The following CNTN5 variants were observed in gnomAD, a reference collection of about 807,000 sequenced individuals.
CNTN5 encodes contactin 5.
CNTN5 carries 77 observed loss-of-function variants against 129.1 expected under a neutral mutation model. That is an observed-to-expected ratio of 0.60 (90% CI 0.50 to 0.72). The LOEUF is 0.72. Ranked by LOEUF, CNTN5 falls within the 30% of genes least tolerant of loss-of-function variation. CNTN5 has a pLI of 0.00. For missense variants in CNTN5, 1,478 were observed against 1,328.8 expected (o/e 1.11, Z -1.75); for synonymous variants, 509 against 465.6 (o/e 1.09, Z -1.20).
chr11:100,295,760 C>G (rs1037148464), intron 18 of CNTN5, among the ~76,000 whole-genome samples: 1 of 150,948 alleles, frequency 6.6e-6, no homozygotes, highest in African/African-American at 2.4e-5. Context: ...AACTTATGAT[C>G]ATAGGAATGA....
intron 3 of CNTN5, among the ~76,000 whole-genome samples, chr11:99,789,078 C>A (rs943961251): frequency 1.9e-4 from 28 of 150,216 alleles, no homozygotes; most frequent in African/African-American, 5.1e-4. Context: ...AAGAAACAAA[C>A]AAAAAAAAAT....
intron 13 of CNTN5, among the ~76,000 whole-genome samples, chr11:100,104,001 A>G (rs1339951475): frequency 6.6e-6 from 1 of 152,176 alleles, no homozygotes; most frequent in Non-Finnish European, 1.5e-5. Context: ...TTTTTTGTCA[A>G]GTAGAATGGA....
At position 99,432,429 on chromosome 11, in the gene CNTN5, C is replaced by CCTTTTCTTTCCTTTTCTTTTCTTTT. The variant is rs1312872433; in HGVS notation, c.-71+106980_-71+107004dup. 2.4e-5 allele frequency among the ~76,000 whole-genome samples: 3 copies of CCTTTTCTTTCCTTTTCTTTTCTTTT among 125,444 alleles called. No individual in the cohort carries two copies. In the East Asian group the frequency reaches 8.1e-4, roughly 34 times the overall value. The allele number at this position is 125,444 out of a possible 152,430, so 82.3% of individuals were successfully genotyped here. ...GGGCTCTGTTTCTTTCTTTTCTTTTCCTTTTCTTTCCTTTTCTTTTCTTTT... is the reference window on the plus strand; with the variant it reads ...GGGCTCTGTTTCTTTCTTTTCTTTTCCTTTTCTTTCCTTTTCTTTTCTTTTCTTTTCTTTCCTTTTCTTTTCTTTT... On this transcript the variant is annotated intron_variant, in intron 2 of 24. Coordinates refer to ENST00000524871, the MANE Select transcript of CNTN5 (RefSeq NM_014361.4).
chr11:99,035,866 C>T (rs565277892), intron 1 of CNTN5, among the ~76,000 whole-genome samples: 54 of 151,364 alleles, frequency 3.6e-4, no homozygotes, highest in Non-Finnish European at 6.8e-4. Flanking sequence ...TTCCTAGTCT[C>T]GATGGTCTTT....
chr11:99,268,820 A>G (rs1037592290), intron 1 of CNTN5, among the ~76,000 whole-genome samples: 1 of 151,966 alleles, frequency 6.6e-6, no homozygotes, highest in Non-Finnish European at 1.5e-5. Context: ...CTTTTAAAGG[A>G]TGTGTTTAGA....
chr11:99,091,249 G>T (rs1357490495), intron 1 of CNTN5, among the ~76,000 whole-genome samples: 3 of 152,246 alleles, frequency 2.0e-5, no homozygotes, highest in Middle Eastern at 3.4e-3. Flanking sequence ...TCTAGGATTA[G>T]CAATTACATT....
intron 1 of CNTN5, among the ~76,000 whole-genome samples, chr11:99,248,027 G>T (rs1277252369): frequency 3.9e-5 from 6 of 152,266 alleles, no homozygotes; most frequent in African/African-American, 1.4e-4. Flanking sequence ...GATCCCTGAG[G>T]AATCGCCACA....
chr11:99,552,209 TTTTGTG>T (rs1948510699), intron 2 of CNTN5, among the ~76,000 whole-genome samples: 1 of 150,886 alleles, frequency 6.6e-6, no homozygotes, highest in South Asian at 2.1e-4. Context: ...CCTGGTCAGT[TTTTGTG>T]TTTTTTTTTT....
At position 99,845,149 on chromosome 11, in the gene CNTN5, G is replaced by A. The variant is rs780791907; in HGVS notation, c.464G>A (p.Gly155Asp). 2.9e-5 allele frequency: 47 copies of A among 1,613,606 alleles called. 1 individual carries two copies. The South Asian group carries it at 4.2e-4, about 14-fold the overall frequency. ...GATTATCGCTACAGTTTGATAGATG[G>A]CACCTTCATTATAAGCAATCCAAGT... The part of the protein sequence containing the change: ...ESDYRYSLID[G>D]TFIISNPSEA... The change falls in exon 6 of 25, where the codon GGC (glycine) becomes GAC (aspartate). Residue 155 changes from glycine to aspartate, a missense_variant. Gly to Asp is a moderately conservative substitution (Grantham distance 94, BLOSUM62 -1). Coordinates refer to ENST00000524871, the MANE Select transcript of CNTN5 (RefSeq NM_014361.4).
At chr11:100,176,675 A>G (rs1947976572) in intron 13 of CNTN5, among the ~76,000 whole-genome samples, 1 of 152,070 alleles carries the variant, frequency 6.6e-6, no homozygotes, top group Admixed American at 6.6e-5. Flanking sequence ...TAACTAGAAT[A>G]ATGGTCTCCA....
chr11:100,105,503 T>A (rs554450815), intron 13 of CNTN5, among the ~76,000 whole-genome samples: 1 of 152,276 alleles, frequency 6.6e-6, no homozygotes, highest in Non-Finnish European at 1.5e-5. Flanking sequence ...CACACTGGCT[T>A]ATGCATCTCC....
chr11:99,914,316 A>G (rs1167330860), intron 6 of CNTN5, among the ~76,000 whole-genome samples: 2 of 152,112 alleles, frequency 1.3e-5, no homozygotes, highest in Non-Finnish European at 2.9e-5. Context: ...AAGGAAGTCA[A>G]ATTAGAAATC....
At position 100,041,130 on chromosome 11, in the gene CNTN5, G is replaced by C. The variant is rs149019994; in HGVS notation, c.981-20082G>C. On this transcript the variant is annotated intron_variant, in intron 9 of 24. Transcript: ENST00000524871. Reference sequence around the variant, plus strand: ...GGCCATCTTGGCTCCTCCCTTTTCAGTATCTTAAATACACTCTTTTTCTCT... The same window carrying C: ...GGCCATCTTGGCTCCTCCCTTTTCACTATCTTAAATACACTCTTTTTCTCT... Among the ~76,000 whole-genome samples the C allele has an allele frequency of 5.8e-4, 88 of 152,076 alleles. No individual in the cohort carries two copies. The East Asian group carries it at 0.016, about 27-fold the overall frequency.
At chr11:99,794,968 C>G (rs1341429316) in intron 3 of CNTN5, among the ~76,000 whole-genome samples, 1 of 152,068 alleles carries the variant, frequency 6.6e-6, no homozygotes, top group African/African-American at 2.4e-5. Flanking sequence ...ATGTTAGCCT[C>G]TATTGCAAGG....
chr11:99,402,281 G>A (rs550365043), intron 2 of CNTN5, among the ~76,000 whole-genome samples: 39 of 152,204 alleles, frequency 2.6e-4, no homozygotes, highest in Non-Finnish European at 1.3e-4. Context: ...AACATGAAGC[G>A]ATATTGAATT....
intron 3 of CNTN5, among the ~76,000 whole-genome samples, chr11:99,787,607 C>G (rs530581487): frequency 6.6e-6 from 1 of 151,102 alleles, no homozygotes; most frequent in African/African-American, 2.4e-5. Flanking sequence ...TGCCAGTAAG[C>G]TGAAGAAGAA....
At chr11:99,918,722 G>T (rs12276726) in intron 7 of CNTN5, among the ~76,000 whole-genome samples, 17,251 of 152,132 alleles carry the variant, frequency 0.11, 1,251 homozygotes, top group African/African-American at 0.2. Flanking sequence ...AGATACAAAA[G>T]AATTTCCTTT....
At chr11:99,144,688 G>A (rs915600339) in intron 1 of CNTN5, among the ~76,000 whole-genome samples, 7 of 151,156 alleles carry the variant, frequency 4.6e-5, no homozygotes, top group African/African-American at 1.7e-4. Flanking sequence ...TGTTTCTTCT[G>A]ATTAATATAC....
At chr11:99,655,402 T>A (rs1444119053) in intron 3 of CNTN5, among the ~76,000 whole-genome samples, 1 of 152,152 alleles carries the variant, frequency 6.6e-6, no homozygotes, top group Non-Finnish European at 1.5e-5. Context: ...TCTTGTCAAC[T>A]GCATGAGGAC....
Sources: allele counts gnomAD v4.1 joint callset (sites outside exome capture counted in the v4.1 genomes callset), GRCh38; gene constraint gnomAD v4.1.1; transcripts MANE v1.5; gene names NCBI Gene and HGNC (gene_info 2026-07-23, HGNC 2026-07-21).